The following DPP6 variants were observed in gnomAD, a reference collection of about 807,000 sequenced individuals.
DPP6 encodes the protein dipeptidyl peptidase like 6.
A neutral mutation model predicts 122.6 loss-of-function variants in DPP6; 69 were observed. The observed-to-expected ratio is 0.56, with a 90% confidence interval of 0.46 to 0.69. The LOEUF is 0.69. Among genes scored for constraint, DPP6 ranks in the 30% least tolerant of loss-of-function variants. DPP6 has a pLI of 0.00. For synonymous variants in DPP6, 418 were observed against 433.1 expected (o/e 0.97, Z 0.43); for missense variants, 928 against 1,116.9 (o/e 0.83, Z 2.41).
At chr7:154,722,835 A>T (rs1841886359) in intron 7 of DPP6, among the ~76,000 whole-genome samples, 1 of 151,968 alleles carries the variant, frequency 6.6e-6, no homozygotes, top group African/African-American at 2.4e-5. Context: ...AAAAAGTAAA[A>T]ATTCAGTCAC....
At chr7:154,085,002 A>AAC (rs1804292985) in intron 1 of DPP6, among the ~76,000 whole-genome samples, 1 of 151,576 alleles carries the variant, frequency 6.6e-6, no homozygotes, top group South Asian at 2.1e-4. Context: ...AAAAAAAAAA[A>AAC]AAAAAAAAAC....
chr7:154,893,283 G>A lies in DPP6; in HGVS notation c.*803G>A, dbSNP rs965840026. 6 of 241,670 alleles carry A rather than the reference G, an allele frequency of 2.5e-5. No individual in the cohort carries two copies. Among genetic ancestry groups the A allele is most frequent in the South Asian group, 4.9e-5 (1 of 20,562 alleles). 15.0% of individuals were successfully genotyped at this position (241,670 alleles called of 1,614,324 possible). On this transcript the variant is annotated 3_prime_UTR_variant, in exon 26 of 26. Coordinates refer to ENST00000377770, the MANE Select transcript of DPP6 (RefSeq NM_130797.4). ...TGGGGACGTTCCTAAACACTGAGGG[G>A]GAAGACAGCCAATAGCACCCATTAA... is the stretch of plus-strand genomic sequence containing the variant.
chr7:154,268,857 T>A (rs10281931), intron 1 of DPP6, among the ~76,000 whole-genome samples: 12,171 of 151,228 alleles, frequency 0.08, 717 homozygotes, highest in East Asian at 0.16. Flanking sequence ...CTGGTGACTT[T>A]GAATTACTAT....
At chr7:153,894,861 A>C (rs1411231247) in intron 1 of DPP6, among the ~76,000 whole-genome samples, 1 of 152,212 alleles carries the variant, frequency 6.6e-6, no homozygotes, top group East Asian at 1.9e-4. Flanking sequence ...TAAGGAAATA[A>C]TTATAACATT....
chr7:153,912,609 A>G (rs571231446), intron 1 of DPP6, among the ~76,000 whole-genome samples: 1 of 152,324 alleles, frequency 6.6e-6, no homozygotes, highest in South Asian at 2.1e-4. Flanking sequence ...GTTGTTGAGA[A>G]TAATAGGGTG....
chr7:154,322,045 AC>A (rs1291031942), intron 1 of DPP6, among the ~76,000 whole-genome samples: 1 of 123,482 alleles, frequency 8.1e-6, no homozygotes, highest in African/African-American at 3.0e-5. Context: ...CACACCCCCA[AC>A]CCCCAACCCC....
chr7:154,264,601 T>A (rs1344760101), intron 1 of DPP6, among the ~76,000 whole-genome samples: 2 of 152,060 alleles, frequency 1.3e-5, no homozygotes, highest in African/African-American at 4.8e-5. Flanking sequence ...CATTGGTATC[T>A]GTGATGATGA....
At chr7:154,696,667 G>A (rs955568987) in intron 7 of DPP6, among the ~76,000 whole-genome samples, 2 of 152,194 alleles carry the variant, frequency 1.3e-5, no homozygotes, top group Non-Finnish European at 2.9e-5. Flanking sequence ...AATCACCTAG[G>A]CTGTCTGTGC....
chr7:154,416,313 T>C (rs897687417), intron 1 of DPP6, among the ~76,000 whole-genome samples: 9 of 152,244 alleles, frequency 5.9e-5, no homozygotes, highest in African/African-American at 1.9e-4. Context: ...TCTAACCTAT[T>C]GTCAGAAGGT....
At chr7:154,698,919 C>T (rs1482216313) in intron 7 of DPP6, among the ~76,000 whole-genome samples, 2 of 152,160 alleles carry the variant, frequency 1.3e-5, no homozygotes, top group African/African-American at 4.8e-5. Context: ...CTGAGGAAGA[C>T]GAAGAGCCAG....
At chr7:153,910,792 G>C (rs188457711) in intron 1 of DPP6, among the ~76,000 whole-genome samples, 2 of 152,024 alleles carry the variant, frequency 1.3e-5, no homozygotes, top group African/African-American at 4.8e-5. Flanking sequence ...CTTTGGTTTC[G>C]TTCTCACTTC....
chr7:153,839,710 G>A, the DPP6 span, among the ~76,000 whole-genome samples: 15,142 of 152,230 alleles, frequency 0.099, 826 homozygotes, highest in Middle Eastern at 0.15. Flanking sequence ...AAATCATCGC[G>A]TGCTCATGGA....
intron 7 of DPP6, among the ~76,000 whole-genome samples, chr7:154,693,136 G>A (rs944936876): frequency 6.6e-6 from 1 of 152,042 alleles, no homozygotes; most frequent in East Asian, 1.9e-4. Flanking sequence ...TTGACCAGAG[G>A]TCTTTTTAAG....
chr7:154,677,106 T>C (rs1273423309), intron 7 of DPP6, among the ~76,000 whole-genome samples: 1 of 152,252 alleles, frequency 6.6e-6, no homozygotes, highest in Non-Finnish European at 1.5e-5. Context: ...TGAGCTATTG[T>C]TATTTTTCTT....
chr7:153,928,398 T>TTTTTTTTTTTTTTTTTTTC (rs1801018706), intron 1 of DPP6, among the ~76,000 whole-genome samples: 1 of 38,984 alleles, frequency 2.6e-5, no homozygotes. Flanking sequence ...TTTCTTTCAT[T>TTTTTTTTTTTTTTTTTTTC]TTTTTTTTTT....
At chr7:153,924,831 C>T (rs567206797) in intron 1 of DPP6, among the ~76,000 whole-genome samples, 4 of 152,234 alleles carry the variant, frequency 2.6e-5, no homozygotes, top group South Asian at 4.2e-4. Flanking sequence ...CCAAGTGCTC[C>T]GTTGGTTCAG....
rs1406165341 is a variant in DPP6 at position 154,314,898 on chromosome 7, A to G, written c.244-131316A>G. On this transcript the variant is annotated intron_variant, in intron 1 of 25. Transcript: ENST00000377770. ...AATGGGTTAACAAATTCTCGCCTGG[A>G]GGTCAGTTAAGAAAAGGTTTGTGTC... 2.0e-5 allele frequency among the ~76,000 whole-genome samples: 3 copies of G among 152,230 alleles called. No homozygotes were observed. In the East Asian group the frequency reaches 5.8e-4, roughly 29 times the overall value.
At chr7:153,964,550 A>G (rs1795539344) in intron 1 of DPP6, among the ~76,000 whole-genome samples, 1 of 152,142 alleles carries the variant, frequency 6.6e-6, no homozygotes, top group Non-Finnish European at 1.5e-5. Context: ...CCAAACCCCA[A>G]GTCTGCACCC....
intron 1 of DPP6, among the ~76,000 whole-genome samples, chr7:153,989,078 G>A (rs1196320004): frequency 1.3e-5 from 2 of 150,806 alleles, no homozygotes; most frequent in Non-Finnish European, 3.0e-5. Context: ...CAGGGACAGC[G>A]CCCGCGAGGT....
Sources: gnomAD v4.1 joint callset for allele counts (sites outside exome capture counted in the v4.1 genomes callset) on GRCh38, gnomAD v4.1.1 for gene constraint, MANE v1.5 for transcripts, NCBI Gene and HGNC (gene_info 2026-07-23, HGNC 2026-07-21) for gene names.